The following PSMA8 variants were observed in gnomAD, a reference collection of about 807,000 sequenced individuals.
PSMA8 encodes the protein proteasome 20S subunit alpha 8.
A neutral mutation model predicts 32.4 loss-of-function variants in PSMA8; 18 were observed. The ratio of observed to expected loss-of-function variants is 0.56; its 90% CI spans 0.38 to 0.82. PSMA8 has a LOEUF of 0.82. PSMA8 is among the 40% of genes least tolerant of loss of function. The pLI is 0.00. For synonymous variants in PSMA8, 104 were observed against 98.1 expected (o/e 1.06, Z -0.36); for missense variants, 298 against 300.7 (o/e 0.99, Z 0.07).
intron 3 of PSMA8, among the ~76,000 whole-genome samples, chr18:26,157,492 C>T (rs1255786538): frequency 6.6e-6 from 1 of 152,052 alleles, no homozygotes; most frequent in Non-Finnish European, 1.5e-5. Context: ...CCTTAGAGCA[C>T]AAATTCCAGG....
chr18:26,152,060 G>A, intron 3 of PSMA8, 78 bp downstream of exon 3: 7 of 1,104,890 alleles, frequency 6.3e-6, no homozygotes, highest in Non-Finnish European at 8.7e-6. Context: ...AAGTACTACA[G>A]TTACTCCAAC....
At chr18:26,136,576 A>T (rs1350449191) in intron 1 of PSMA8, among the ~76,000 whole-genome samples, 1 of 152,144 alleles carries the variant, frequency 6.6e-6, no homozygotes. Flanking sequence ...ATCTCTGCAC[A>T]CTTGTCCTCT....
At chr18:26,153,649 T>G (rs558756048) in intron 3 of PSMA8, among the ~76,000 whole-genome samples, 1 of 152,220 alleles carries the variant, frequency 6.6e-6, no homozygotes, top group African/African-American at 2.4e-5. Flanking sequence ...TCTTTTGACA[T>G]GTACTCAAGT....
chr18:26,172,585 A>G (rs938181633), intron 4 of PSMA8, among the ~76,000 whole-genome samples: 1 of 152,122 alleles, frequency 6.6e-6, no homozygotes, highest in Non-Finnish European at 1.5e-5. Context: ...TATGGAAGTA[A>G]TTGGTCTTAG....
In PSMA8 at chr18:26,154,818, T is replaced by C. The variant is rs1322072115; in HGVS notation, c.354+2836T>C. Among the ~76,000 whole-genome samples the C allele has an allele frequency of 7.2e-5, 11 of 152,250 alleles. No individual in the cohort carries two copies. The East Asian group carries it at 2.1e-3, about 30-fold the overall frequency. ...TTTCAGTAGAGACGGAGTTTCACCA[T>C]GTTGGCCAGGATGGTCTCGATTTCC... On this transcript the variant is annotated intron_variant, in intron 3 of 6. Coordinates refer to ENST00000415576, the MANE Select transcript of PSMA8 (RefSeq NM_001025096.2).
intron 4 of PSMA8, among the ~76,000 whole-genome samples, chr18:26,175,532 A>C (rs2144338507): frequency 6.6e-6 from 1 of 152,140 alleles, no homozygotes; most frequent in East Asian, 1.9e-4. Context: ...AGAGCACATG[A>C]CCTTACCTGA....
At chr18:26,160,417 CAGATT>C (rs2055126256) in intron 4 of PSMA8, among the ~76,000 whole-genome samples, 1 of 152,116 alleles carries the variant, frequency 6.6e-6, no homozygotes, top group Non-Finnish European at 1.5e-5. Context: ...TCCTTTAGGC[CAGATT>C]ATTTTCTCTG....
At chr18:26,177,855 T>C (rs1199432834) in intron 4 of PSMA8, among the ~76,000 whole-genome samples, 2 of 152,246 alleles carry the variant, frequency 1.3e-5, no homozygotes, top group Non-Finnish European at 2.9e-5. Flanking sequence ...CTTTCTTCTT[T>C]TTGTGCCATA....
intron 4 of PSMA8, among the ~76,000 whole-genome samples, chr18:26,159,394 A>T (rs2055117497): frequency 6.6e-6 from 1 of 152,178 alleles, no homozygotes; most frequent in African/African-American, 2.4e-5. Flanking sequence ...TCTAATTAGT[A>T]ATCAGAAGGT....
chr18:26,173,237 T>A (rs1349295716), intron 4 of PSMA8, among the ~76,000 whole-genome samples: 1 of 152,204 alleles, frequency 6.6e-6, no homozygotes. Flanking sequence ...TCAGCCACAC[T>A]GGCCTCTTTA....
intron 4 of PSMA8, among the ~76,000 whole-genome samples, chr18:26,161,477 A>G (rs1475970875): frequency 6.6e-6 from 1 of 152,252 alleles, no homozygotes; most frequent in East Asian, 1.9e-4. Context: ...GAGAGAACAT[A>G]GTAAAACCAA....
At chr18:26,160,247 G>A (rs1048150654) in intron 4 of PSMA8, among the ~76,000 whole-genome samples, 6 of 152,190 alleles carry the variant, frequency 3.9e-5, no homozygotes, top group African/African-American at 1.4e-4. Context: ...TGAAGCTGCA[G>A]TAAGCTAGGA....
intron 6 of PSMA8, among the ~76,000 whole-genome samples, chr18:26,189,174 G>T (rs2055381965): frequency 6.6e-6 from 1 of 152,066 alleles, no homozygotes; most frequent in Non-Finnish European, 1.5e-5. Context: ...CAAAAAATGG[G>T]TGAAGGATTT....
intron 4 of PSMA8, chr18:26,170,881 C>T: frequency 6.4e-7 from 1 of 1,559,510 alleles, no homozygotes; most frequent in Non-Finnish European, 8.5e-7. Context: ...ATCCTTGTCA[C>T]AAATAGTTTA....
intron 4 of PSMA8, among the ~76,000 whole-genome samples, chr18:26,159,448 A>G (rs1468719053): frequency 1.3e-5 from 2 of 152,224 alleles, no homozygotes; most frequent in South Asian, 2.1e-4. Context: ...TTTCCTGTCA[A>G]CTAGAGATCT....
At chr18:26,167,057 G>T (rs1449107155) in intron 4 of PSMA8, among the ~76,000 whole-genome samples, 1 of 152,058 alleles carries the variant, frequency 6.6e-6, no homozygotes, top group Non-Finnish European at 1.5e-5. Context: ...ACATTGTGTA[G>T]GTTTTACCAA....
chr18:26,157,692 T>C (rs980081796), intron 3 of PSMA8, among the ~76,000 whole-genome samples: 4 of 152,122 alleles, frequency 2.6e-5, no homozygotes, highest in African/African-American at 9.7e-5. Flanking sequence ...TTGATAAAAA[T>C]AGTGTCAAGT....
At chr18:26,171,728 C>T (rs1241586649) in intron 4 of PSMA8, among the ~76,000 whole-genome samples, 8 of 150,498 alleles carry the variant, frequency 5.3e-5, no homozygotes, top group Non-Finnish European at 8.9e-5. Flanking sequence ...AGTGAGACTC[C>T]GTCTCAAAAA....
chr18:26,134,296 C>T (rs1301043013), intron 1 of PSMA8, among the ~76,000 whole-genome samples: 5 of 151,780 alleles, frequency 3.3e-5, no homozygotes, highest in Admixed American at 1.3e-4. Flanking sequence ...TCAACTGCCT[C>T]TGTTTCATGG....
Sources: allele counts gnomAD v4.1 joint callset (sites outside exome capture counted in the v4.1 genomes callset), GRCh38; gene constraint gnomAD v4.1.1; transcripts MANE v1.5; gene names NCBI Gene and HGNC (gene_info 2026-07-23, HGNC 2026-07-21).